MRPS28: variants seen among roughly 807,000 people sequenced by gnomAD.
MRPS28 encodes small ribosomal subunit protein bS1m.
A neutral mutation model predicts 10.8 loss-of-function variants in MRPS28; 7 were observed. The observed-to-expected ratio is 0.65, with a 90% CI of 0.37 to 1.22. The LOEUF is 1.22. Ranked by LOEUF, MRPS28 falls within the 50% of genes most tolerant of loss-of-function variation. The probability of loss-of-function intolerance (pLI) is 0.02; values close to 1 mark genes in which losing one functional copy is unlikely to be tolerated. For missense variants in MRPS28, 265 were observed against 232.9 expected (o/e 1.14, Z -0.90); for synonymous variants, 121 against 93.3 (o/e 1.30, Z -1.71).
intron 2 of MRPS28, among the ~76,000 whole-genome samples, chr8:79,982,992 AC>A (rs1563533130): frequency 8.4e-6 from 1 of 118,788 alleles, no homozygotes; most frequent in Admixed American, 8.5e-5. Context: ...CTGACCCCCG[AC>A]CCCCGAGCAG....
chr8:80,003,188 T>C lies in MRPS28; in HGVS notation c.214-8A>G, dbSNP rs201384563. The C allele has an allele frequency of 2.5e-4, 393 of 1,558,786 alleles. No homozygotes were observed. The highest frequency in any genetic ancestry group is 3.2e-4 in the Non-Finnish European group (374 of 1,156,992). The stretch of plus-strand genomic sequence containing the variant: ...CACATTTTTTGGAGAACCCTAAATA[T>C]GAAAAGAGATATTTATATACATATA... On this transcript the variant is annotated splice_region_variant and splice_polypyrimidine_tract_variant and intron_variant, in intron 1 of 2. Coordinates refer to ENST00000276585, the MANE Select transcript of MRPS28 (RefSeq NM_014018.3).
intron 1 of MRPS28, among the ~76,000 whole-genome samples, chr8:80,018,245 G>A (rs965610306): frequency 9.9e-5 from 13 of 131,590 alleles, no homozygotes; most frequent in Non-Finnish European, 1.2e-4. Context: ...GCAGTGAGCC[G>A]AGATCGTGCC....
intron 1 of MRPS28, among the ~76,000 whole-genome samples, chr8:80,018,308 A>AAG (rs2130229001): frequency 6.6e-6 from 1 of 151,194 alleles, no homozygotes; most frequent in East Asian, 1.9e-4. Context: ...AAAAAAAAAA[A>AAG]AAAAAAAAAG....
intron 2 of MRPS28, among the ~76,000 whole-genome samples, chr8:79,989,630 G>A (rs1309444463): frequency 3.3e-5 from 5 of 152,026 alleles, no homozygotes; most frequent in South Asian, 4.2e-4. Flanking sequence ...CATGAACCCC[G>A]CAACATTTCT....
chr8:79,982,064 T>C (rs1807972010), intron 2 of MRPS28, among the ~76,000 whole-genome samples: 1 of 152,140 alleles, frequency 6.6e-6, no homozygotes, highest in Admixed American at 6.5e-5. Context: ...CTGGCCAACA[T>C]GGTGAAACCC....
At chr8:80,028,501 A>C (rs1809547615) in intron 1 of MRPS28, among the ~76,000 whole-genome samples, 1 of 151,938 alleles carries the variant, frequency 6.6e-6, no homozygotes, top group African/African-American at 2.4e-5. Flanking sequence ...TCCACATCCT[A>C]ATCTCTAGAA....
At chr8:79,972,486 T>A (rs952637160) in intron 2 of MRPS28, among the ~76,000 whole-genome samples, 1 of 152,244 alleles carries the variant, frequency 6.6e-6, no homozygotes. Flanking sequence ...TCTGATTTCA[T>A]TTCTCTTAGG....
intron 2 of MRPS28, among the ~76,000 whole-genome samples, chr8:79,961,945 C>T (rs569131300): frequency 6.6e-6 from 1 of 152,226 alleles, no homozygotes; most frequent in African/African-American, 2.4e-5. Context: ...ATTCCACATA[C>T]TGTTCCATGT....
At chr8:80,000,132 T>C (rs1211524534) in intron 2 of MRPS28, among the ~76,000 whole-genome samples, 6 of 152,318 alleles carry the variant, frequency 3.9e-5, no homozygotes, top group African/African-American at 1.2e-4. Flanking sequence ...ACCTGGCAAA[T>C]TGAAGAGGTC....
At chr8:79,996,370 T>C (rs1238223633) in intron 2 of MRPS28, among the ~76,000 whole-genome samples, 2 of 152,204 alleles carry the variant, frequency 1.3e-5, no homozygotes, top group African/African-American at 4.8e-5. Flanking sequence ...CAACTTACCA[T>C]ACTATTTCCT....
At chr8:79,969,204 A>G (rs1218281279) in intron 2 of MRPS28, among the ~76,000 whole-genome samples, 1 of 152,144 alleles carries the variant, frequency 6.6e-6, no homozygotes, top group African/African-American at 2.4e-5. Context: ...ATTTAACAGA[A>G]CTTATTTTCA....
chr8:79,988,287 G>A (rs1808254295), intron 2 of MRPS28, among the ~76,000 whole-genome samples: 2 of 105,618 alleles, frequency 1.9e-5, no homozygotes, highest in African/African-American at 7.2e-5. Flanking sequence ...TGGGGGGAGG[G>A]GGGAGGGATA....
At chr8:79,953,096 C>T (rs1177634515) in intron 2 of MRPS28, among the ~76,000 whole-genome samples, 1 of 152,130 alleles carries the variant, frequency 6.6e-6, no homozygotes, top group Non-Finnish European at 1.5e-5. Flanking sequence ...ACCTCAGAGT[C>T]GAGCCTGAGA....
intron 2 of MRPS28, among the ~76,000 whole-genome samples, chr8:79,990,864 G>A (rs531744308): frequency 6.6e-6 from 1 of 151,666 alleles, no homozygotes; most frequent in South Asian, 2.1e-4. Context: ...CATGGCGCGC[G>A]CCTGTAGTCC....
chr8:79,932,363 C>A (rs1018998782), intron 2 of MRPS28, among the ~76,000 whole-genome samples: 4 of 152,068 alleles, frequency 2.6e-5, no homozygotes, highest in Non-Finnish European at 4.4e-5. Context: ...CATTTAATGA[C>A]AAGAAAAGGA....
chr8:79,931,552 A>G (rs1029320436), intron 2 of MRPS28, among the ~76,000 whole-genome samples: 2 of 152,182 alleles, frequency 1.3e-5, no homozygotes, highest in Admixed American at 6.5e-5. Context: ...TCAGCTCCTC[A>G]ATCATTACCG....
chr8:79,962,383 T>C (rs1267318609), intron 2 of MRPS28, among the ~76,000 whole-genome samples: 7 of 152,120 alleles, frequency 4.6e-5, no homozygotes, highest in Non-Finnish European at 1.5e-5. Context: ...AAGGGCAGAA[T>C]AATCCAGGCC....
chr8:79,947,443 A>G (rs537951408), intron 2 of MRPS28, among the ~76,000 whole-genome samples: 11 of 152,206 alleles, frequency 7.2e-5, no homozygotes, highest in African/African-American at 2.6e-4. Context: ...CTTTTTTAAA[A>G]TCCTACTATG....
chr8:79,995,902 C>T (rs1309754640), intron 2 of MRPS28, among the ~76,000 whole-genome samples: 1 of 152,004 alleles, frequency 6.6e-6, no homozygotes, highest in Non-Finnish European at 1.5e-5. Context: ...TCTGAGAAAG[C>T]TATAAAAAGC....
Sources: allele counts gnomAD v4.1 joint callset (sites outside exome capture counted in the v4.1 genomes callset), GRCh38; gene constraint gnomAD v4.1.1; transcripts MANE v1.5; gene names NCBI Gene and HGNC (gene_info 2026-07-23, HGNC 2026-07-21).